RNF145: variants seen among roughly 807,000 people sequenced by gnomAD.
RNF145 encodes the protein ring finger protein 145.
In RNF145, 12 loss-of-function variants were observed where a neutral mutation model predicts 57.3. The ratio of observed to expected loss-of-function variants is 0.21; its 90% CI spans 0.13 to 0.34. The LOEUF is 0.34. Ranked by LOEUF, RNF145 falls within the 10% of genes least tolerant of loss-of-function variation. The pLI is 1.00. For synonymous variants in RNF145, 262 were observed against 288.3 expected (o/e 0.91, Z 0.92); for missense variants, 429 against 799.0 (o/e 0.54, Z 5.58).
chr5:159,179,654 A>G (rs924883711), intron 4 of RNF145, among the ~76,000 whole-genome samples: 3 of 152,142 alleles, frequency 2.0e-5, no homozygotes, highest in Non-Finnish European at 2.9e-5. Context: ...TATGCATCAT[A>G]AACTAAAACT....
At chr5:159,169,955 A>G (rs1446020104) in intron 6 of RNF145, 136 bp from the exon 7 acceptor site, 2 of 612,888 alleles carry the variant, frequency 3.3e-6, no homozygotes. Flanking sequence ...TTGAGGAGAA[A>G]TCACCCAATT....
intron 5 of RNF145, among the ~76,000 whole-genome samples, chr5:159,176,140 C>T (rs1584678842): frequency 6.6e-6 from 1 of 152,090 alleles, no homozygotes; most frequent in Middle Eastern, 3.4e-3. Context: ...ATTAGGCACA[C>T]AAAGGGAAGA....
chr5:159,203,573 C>A lies in RNF145; in HGVS notation c.45G>T (p.Leu15=). 6.2e-7 allele frequency: 1 copy of A among 1,613,608 alleles called. No individual in the cohort carries two copies. Among genetic ancestry groups the A allele is most frequent in the Non-Finnish European group, 8.5e-7 (1 of 1,179,816 alleles). ...EKLEAVLNVA[L]RVPSIMLLDV... is the part of the protein sequence containing the mutation. ...CCAACAGCATGATGCTTGGCACCCTCAGGGCCACATTTAACACTGCCTCCA... is the reference window on the plus strand; with the variant it reads ...CCAACAGCATGATGCTTGGCACCCTAAGGGCCACATTTAACACTGCCTCCA... Residue 15 remains leucine (L), a synonymous_variant, in exon 2 of 11, where the codon CTG becomes CTT. Transcript: ENST00000424310.
At chr5:159,201,740 T>C (rs1343651264) in intron 2 of RNF145, among the ~76,000 whole-genome samples, 1 of 152,228 alleles carries the variant, frequency 6.6e-6, no homozygotes, top group East Asian at 1.9e-4. Flanking sequence ...TATTTACTTA[T>C]ATATACATAA....
upstream of RNF145, chr5:159,210,021 A>C (rs2113270557): frequency 2.5e-6 from 2 of 801,718 alleles, no homozygotes; most frequent in Admixed American, 2.1e-5. Flanking sequence ...AGGCACTCAA[A>C]CCCCTGTGGA....
At chr5:159,209,141 C>T (rs1786014335) in intron 1 of RNF145, 90 bp downstream of exon 1, 1 of 372,116 alleles carries the variant, frequency 2.7e-6, no homozygotes, top group Non-Finnish European at 3.7e-6. Context: ...GAGGAAGGAG[C>T]CTGCGACGCG....
At chr5:159,200,984 T>C (rs1009139057) in intron 2 of RNF145, among the ~76,000 whole-genome samples, 1 of 152,240 alleles carries the variant, frequency 6.6e-6, no homozygotes, top group African/African-American at 2.4e-5. Context: ...AATATAGGAT[T>C]GTAGGAACTC....
At chr5:159,167,897 G>A (rs1001297920) in intron 8 of RNF145, among the ~76,000 whole-genome samples, 2 of 152,150 alleles carry the variant, frequency 1.3e-5, no homozygotes, top group Non-Finnish European at 2.9e-5. Context: ...TGTTAATTTG[G>A]AATGTTTTAG....
At chr5:159,209,567 C>G (rs909290298), upstream of RNF145, 22 of 1,003,080 alleles carry the variant, frequency 2.2e-5, no homozygotes, top group South Asian at 2.7e-4. Flanking sequence ...GGCCGCGGCC[C>G]GACTTCCGCA....
chr5:159,186,444 G>C (rs1204292955), intron 3 of RNF145, among the ~76,000 whole-genome samples: 1 of 152,148 alleles, frequency 6.6e-6, no homozygotes, highest in East Asian at 1.9e-4. Context: ...TGTACATTCT[G>C]GCTATTTACT....
At position 159,208,116 on chromosome 5, in the gene RNF145, C is replaced by T. The variant is rs933261430; in HGVS notation, c.-40+1115G>A. On this transcript the variant is annotated intron_variant, in intron 1 of 10. Coordinates refer to ENST00000424310, the MANE Select transcript of RNF145 (RefSeq NM_001199383.2). ...CACTGCACAGGCCCCTTCCTCTCTC[C>T]CCGCACCTCCTCCCACAACGCCTGC... 3.2e-5 allele frequency: 46 copies of T among 1,439,280 alleles called. No homozygotes were observed. In the South Asian group the frequency reaches 5.6e-4, roughly 18 times the overall value. The allele number at this position is 1,439,280 out of a possible 1,614,324, so 89.2% of individuals were successfully genotyped here.
chr5:159,176,156 T>C (rs184858409), intron 5 of RNF145, among the ~76,000 whole-genome samples: 320 of 152,240 alleles, frequency 2.1e-3, no homozygotes, highest in Non-Finnish European at 3.7e-3. Flanking sequence ...GAAGAAACTA[T>C]AGTCACAGTA....
intron 5 of RNF145, among the ~76,000 whole-genome samples, chr5:159,174,794 A>AG (rs1342400505): frequency 1.3e-5 from 2 of 152,170 alleles, no homozygotes; most frequent in Non-Finnish European, 2.9e-5. Context: ...TAAAAAAAAA[A>AG]AAGGCTTAAT....
At chr5:159,208,256 C>T in intron 1 of RNF145, 3 of 793,398 alleles carry the variant, frequency 3.8e-6, no homozygotes, top group Non-Finnish European at 5.1e-6. Flanking sequence ...TAAGAGATTA[C>T]GTTCAGCAAA....
chr5:159,193,385 C>G (rs1244553238), intron 3 of RNF145, among the ~76,000 whole-genome samples: 5 of 152,066 alleles, frequency 3.3e-5, no homozygotes, highest in African/African-American at 1.2e-4. Context: ...GAAAATCAAC[C>G]AGGAAGGAAT....
intron 1 of RNF145, among the ~76,000 whole-genome samples, chr5:159,208,585 G>C (rs984540471): frequency 6.6e-6 from 1 of 152,050 alleles, no homozygotes; most frequent in African/African-American, 2.4e-5. Context: ...GGCCCCCCTC[G>C]AAAAATGGAC....
At chr5:159,183,655 A>C (rs1315922690) in intron 3 of RNF145, among the ~76,000 whole-genome samples, 1 of 152,192 alleles carries the variant, frequency 6.6e-6, no homozygotes, top group Admixed American at 6.5e-5. Flanking sequence ...TTGAAAAATA[A>C]ATTTATACCT....
At chr5:159,181,097 C>T (rs1453546895) in intron 4 of RNF145, among the ~76,000 whole-genome samples, 11 of 150,998 alleles carry the variant, frequency 7.3e-5, no homozygotes, top group Non-Finnish European at 1.2e-4. Flanking sequence ...AAATGTTTTC[C>T]CAGCCTGGGC....
chr5:159,168,044 G>C (rs1784442215), intron 8 of RNF145, among the ~76,000 whole-genome samples: 1 of 152,040 alleles, frequency 6.6e-6, no homozygotes, highest in Non-Finnish European at 1.5e-5. Context: ...AAAAAAAACA[G>C]TGACATCGAA....
Sources: gnomAD v4.1 joint callset for allele counts (sites outside exome capture counted in the v4.1 genomes callset) on GRCh38, gnomAD v4.1.1 for gene constraint, MANE v1.5 for transcripts, NCBI Gene and HGNC (gene_info 2026-07-23, HGNC 2026-07-21) for gene names.